Variants in DNAI2 observed in about 807,000 individuals in gnomAD.
The protein encoded by DNAI2 is dynein axonemal intermediate chain 2, also known as dynein, axonemal, intermediate polypeptide 2.
DNAI2 carries 63 observed loss-of-function variants against 74.7 expected under a neutral mutation model. The observed-to-expected ratio is 0.84, with a 90% CI of 0.69 to 1.04. The LOEUF (loss-of-function observed/expected upper bound fraction) is 1.04, where lower values mean the gene tolerates loss of function less well. Ranked by LOEUF, DNAI2 falls within the 50% of genes least tolerant of loss-of-function variation. DNAI2 has a pLI of 0.00. For missense variants in DNAI2, 688 were observed against 803.2 expected (o/e 0.86, Z 1.73); for synonymous variants, 289 against 314.9 (o/e 0.92, Z 0.87).
At position 74,299,723 on chromosome 17, in the gene DNAI2, T is replaced by C. The variant is rs765154352; in HGVS notation, c.730T>C (p.Trp244Arg). Reference protein sequence around the residue: ...GGCYNGQIACWDTRKGSLVAE... With the variant: ...GGCYNGQIACRDTRKGSLVAE... ...TTCATCTCCTTCCTCACCAGCCTGC[T>C]GGGACACCCGAAAGGGCAGCCTGGT... Residue 244 changes from tryptophan (W) to arginine (R), a missense_variant, in exon 7 of 14, where the codon TGG becomes CGG. By Grantham distance (101) the Trp-to-Arg change is moderately radical. Transcript: ENST00000311014. 6.2e-7 allele frequency: 1 copy of C among 1,613,556 alleles called. No homozygotes were observed. Among genetic ancestry groups the C allele is most frequent in the Non-Finnish European group, 8.5e-7 (1 of 1,180,022 alleles).
chr17:74,314,001 T>G, intron 12 of DNAI2, 120 bp from the exon 13 acceptor site: 2 of 1,557,858 alleles, frequency 1.3e-6, no homozygotes, highest in South Asian at 1.1e-5. Flanking sequence ...TCCAGGGTGC[T>G]CAGCGACCCA....
intron 6 of DNAI2, among the ~76,000 whole-genome samples, chr17:74,296,786 G>T (rs1050942217): frequency 6.6e-6 from 1 of 152,148 alleles, no homozygotes; most frequent in South Asian, 2.1e-4. Flanking sequence ...CTCTTGTGGC[G>T]CCAGGCTGCT....
At chr17:74,286,487 C>T (rs117400621) in intron 3 of DNAI2, among the ~76,000 whole-genome samples, 1 of 152,062 alleles carries the variant, frequency 6.6e-6, no homozygotes, top group African/African-American at 2.4e-5. Context: ...GTGGCGTGAT[C>T]TTGGGTCTCT....
Position 74,281,839 on chromosome 17 carries a change from G to A in DNAI2, c.22G>A (p.Val8Ile), listed in dbSNP as rs776802277. 5.6e-6 allele frequency: 9 copies of A among 1,613,908 alleles called. No homozygotes were observed. The South Asian group carries it at 6.6e-5, about 12-fold the overall frequency. Residue 8 changes from valine (V) to isoleucine (I), a missense_variant, in exon 2 of 14, where the codon GTC becomes ATC. Physicochemically the swap from Val to Ile is conservative, Grantham distance 29. Transcript: ENST00000311014. The part of the protein sequence containing the change: MEIVYVY[V>I]KKRSEFGKQC... ...CACCATGGAGATTGTGTACGTGTAC[G>A]TCAAGAAGCGCAGCGAGTTCGGGAA...
intron 3 of DNAI2, among the ~76,000 whole-genome samples, chr17:74,286,079 C>G (rs975864398): frequency 1.3e-5 from 2 of 151,558 alleles, no homozygotes; most frequent in Non-Finnish European, 1.5e-5. Flanking sequence ...GCAGATCACT[C>G]GAGCTCAGGA....
intron 2 of DNAI2, among the ~76,000 whole-genome samples, chr17:74,284,679 T>C (rs890594330): frequency 2.0e-5 from 3 of 152,208 alleles, no homozygotes; most frequent in South Asian, 4.1e-4. Flanking sequence ...CCCAAAGTGC[T>C]GGGATTACAG....
intron 1 of DNAI2, among the ~76,000 whole-genome samples, chr17:74,276,841 T>C (rs1490695380): frequency 6.6e-6 from 1 of 152,194 alleles, no homozygotes; most frequent in Non-Finnish European, 1.5e-5. Flanking sequence ...CAATTTCTTT[T>C]AAAAGTCAGA....
intron 8 of DNAI2, among the ~76,000 whole-genome samples, chr17:74,302,185 C>T (rs2052897633): frequency 6.6e-6 from 1 of 151,988 alleles, no homozygotes; most frequent in Non-Finnish European, 1.5e-5. Context: ...AATCCCAGCA[C>T]TTTGGGAGGC....
intron 4 of DNAI2, among the ~76,000 whole-genome samples, chr17:74,288,080 G>C (rs2051859216): frequency 6.6e-6 from 1 of 152,006 alleles, no homozygotes; most frequent in Non-Finnish European, 1.5e-5. Context: ...GCCACTTTTT[G>C]TGGCAGTCCC....
chr17:74,309,412 G>A, intron 10 of DNAI2, 24 bp downstream of exon 10: 1 of 1,614,112 alleles, frequency 6.2e-7, no homozygotes, highest in East Asian at 2.2e-5. Context: ...CCCTCCTTGT[G>A]CATCCAGGTC....
At chr17:74,285,242 T>C (rs762791538) in intron 3 of DNAI2, 41 bp downstream of exon 3, 2 of 1,605,386 alleles carry the variant, frequency 1.2e-6, no homozygotes. Flanking sequence ...GCCCCATCCA[T>C]CACTGCAGCT....
Position 74,282,105 on chromosome 17 carries a change from G to A in DNAI2, c.183+105G>A, listed in dbSNP as rs865969005. 6.7e-6 allele frequency: 9 copies of A among 1,344,622 alleles called. No homozygotes were observed. The Middle Eastern group carries it at 1.0e-3, about 151-fold the overall frequency. The allele number at this position is 1,344,622 out of a possible 1,614,324, so 83.3% of individuals were successfully genotyped here. On this transcript the variant is annotated intron_variant, in intron 2 of 13. Coordinates refer to ENST00000311014, the MANE Select transcript of DNAI2 (RefSeq NM_023036.6). ...TGGGTCCTTGTCCACCTGAAAGCCA[G>A]TTAGAGTAGACCAAATGCAGATGCT...
intron 6 of DNAI2, among the ~76,000 whole-genome samples, chr17:74,298,487 A>C (rs1483218472): frequency 6.6e-6 from 1 of 151,804 alleles, no homozygotes; most frequent in Non-Finnish European, 1.5e-5. Flanking sequence ...TTGTGTTTTT[A>C]GTAAAGATGG....
chr17:74,306,766 C>T (rs961948700), intron 9 of DNAI2, among the ~76,000 whole-genome samples: 1 of 152,198 alleles, frequency 6.6e-6, no homozygotes, highest in South Asian at 2.1e-4. Context: ...TACAGGCGCA[C>T]GCCAGCACAC....
At chr17:74,288,589 C>T (rs948841904) in intron 4 of DNAI2, among the ~76,000 whole-genome samples, 1 of 152,152 alleles carries the variant, frequency 6.6e-6, no homozygotes. Flanking sequence ...TGTGGGACCT[C>T]GTTGCAGCAG....
At position 74,309,304 on chromosome 17, in the gene DNAI2, C is replaced by A. The variant is rs771686170; in HGVS notation, c.1263C>A (p.Thr421=). 2.5e-6 allele frequency: 4 copies of A among 1,613,958 alleles called. No homozygotes were observed. In the South Asian group the frequency reaches 4.4e-5, roughly 18 times the overall value. The change falls in exon 10 of 14, where the codon ACC becomes ACA. Residue 421 remains threonine, a synonymous_variant. Transcript: ENST00000311014. ...CTGCCTGGAGCCCCGTGAGGCCGAC[C>A]GTTTTCTTTACCACCAGGATGGACG... ...TDAAWSPVRP[T]VFFTTRMDGT...
intron 8 of DNAI2, among the ~76,000 whole-genome samples, chr17:74,303,430 T>G (rs960317974): frequency 6.6e-6 from 1 of 152,130 alleles, no homozygotes; most frequent in Non-Finnish European, 1.5e-5. Flanking sequence ...ACGCCCAACT[T>G]GAAGCCCAGG....
chr17:74,299,705 CCTTCCTCACCAG>C lies in DNAI2; in HGVS notation c.725-11_725del. 1 of 1,613,408 alleles carries C rather than the reference CCTTCCTCACCAG, an allele frequency of 6.2e-7. No homozygotes were observed. The highest frequency in any genetic ancestry group is 8.5e-7 in the Non-Finnish European group (1 of 1,180,024). ...GCCCCCTTCCACTCCTTCTTCATCTCCTTCCTCACCAGCCTGCTGGGACACCCGAAAGGGCAG... is the reference window on the plus strand; with the variant it reads ...GCCCCCTTCCACTCCTTCTTCATCTCCCTGCTGGGACACCCGAAAGGGCAG... On this transcript the variant is annotated splice_acceptor_variant and splice_polypyrimidine_tract_variant and intron_variant, in intron 6 of 13. Coordinates refer to ENST00000311014, the MANE Select transcript of DNAI2 (RefSeq NM_023036.6). LOFTEE classifies it high-confidence loss of function.
intron 11 of DNAI2, among the ~76,000 whole-genome samples, chr17:74,311,659 T>C (rs2053534526): frequency 6.6e-6 from 1 of 152,192 alleles, no homozygotes; most frequent in Non-Finnish European, 1.5e-5. Context: ...TGCTGAGGCC[T>C]GGAGAGCCTC....
Sources: gnomAD v4.1 joint callset for allele counts (sites outside exome capture counted in the v4.1 genomes callset) on GRCh38, gnomAD v4.1.1 for gene constraint, MANE v1.5 for transcripts, NCBI Gene and HGNC (gene_info 2026-07-23, HGNC 2026-07-21) for gene names.